Variants in HOMER1 observed in about 807,000 individuals in gnomAD.
The protein encoded by HOMER1 is homer scaffold protein 1, also known as homer protein homolog 1.
Under a neutral mutation model 48.9 loss-of-function variants are expected in HOMER1, and 3 were observed. The ratio of observed to expected loss-of-function variants is 0.06; its 90% CI spans 0.03 to 0.16. The LOEUF (loss-of-function observed/expected upper bound fraction) is 0.16. HOMER1 is among the 10% of genes least tolerant of loss of function. The probability of loss-of-function intolerance (pLI) is 1.00; values close to 1 mark genes in which losing one functional copy is unlikely to be tolerated. For synonymous variants in HOMER1, 134 were observed against 146.4 expected (o/e 0.92, Z 0.61); for missense variants, 247 against 411.4 (o/e 0.60, Z 3.46).
chr5:79,491,110 A>AAAAAT (rs1752263473), intron 1 of HOMER1, among the ~76,000 whole-genome samples: 1 of 103,226 alleles, frequency 9.7e-6, no homozygotes, highest in Non-Finnish European at 1.9e-5. Flanking sequence ...AAAAAAAAAA[A>AAAAAT]GCTTGTCATG....
chr5:79,411,820 A>G lies in HOMER1; in HGVS notation c.528-9765T>C, dbSNP rs1356814913. 2.0e-5 allele frequency among the ~76,000 whole-genome samples: 3 copies of G among 152,296 alleles called. No individual in the cohort carries two copies. In the East Asian group the frequency reaches 5.8e-4, roughly 29 times the overall value. On this transcript the variant is annotated intron_variant, in intron 5 of 8. Transcript: ENST00000334082. ...TATTCCGATACTCTTTCAAAAAACA[A>G]TTTAAAAACAGGGTGCAGCTGGGTG...
intron 5 of HOMER1, among the ~76,000 whole-genome samples, chr5:79,402,851 A>G (rs1021174455): frequency 2.0e-5 from 3 of 152,182 alleles, no homozygotes; most frequent in South Asian, 2.1e-4. Flanking sequence ...GATTTATTTC[A>G]TCTTATTCAG....
At chr5:79,460,038 A>G (rs897956635) in intron 1 of HOMER1, among the ~76,000 whole-genome samples, 16 of 152,134 alleles carry the variant, frequency 1.1e-4, no homozygotes, top group Admixed American at 8.5e-4. Context: ...CTTTTCTTTA[A>G]CAGATAGGTT....
chr5:79,374,851 C>T lies in HOMER1; in HGVS notation c.*1158G>A, dbSNP rs967089007. Reference sequence around the variant, plus strand: ...GAATTTAATTCCTGTTTTGAAATACCTAGTTAACAATTCAGAATATTGCCT... The same window carrying T: ...GAATTTAATTCCTGTTTTGAAATACTTAGTTAACAATTCAGAATATTGCCT... On this transcript the variant is annotated 3_prime_UTR_variant, in exon 9 of 9. Coordinates refer to ENST00000334082, the MANE Select transcript of HOMER1 (RefSeq NM_004272.5). 4 of 151,880 alleles carry T rather than the reference C, an allele frequency of 2.6e-5. No individual in the cohort carries two copies. The highest frequency in any genetic ancestry group is 6.6e-5 in the Admixed American group (1 of 15,242). The allele number at this position is 151,880 out of a possible 1,614,324, so 9.4% of individuals were successfully genotyped here.
At chr5:79,503,938 G>C (rs1436727528) in intron 1 of HOMER1, among the ~76,000 whole-genome samples, 1 of 152,148 alleles carries the variant, frequency 6.6e-6, no homozygotes, top group Non-Finnish European at 1.5e-5. Context: ...GTTCAAACCT[G>C]TGTTGTTCAA....
chr5:79,480,122 A>G (rs1751906300), intron 1 of HOMER1, among the ~76,000 whole-genome samples: 1 of 152,160 alleles, frequency 6.6e-6, no homozygotes, highest in Admixed American at 6.5e-5. Flanking sequence ...TCAGAAGTAA[A>G]AAGAATAAAA....
chr5:79,487,479 A>G (rs1752144133), intron 1 of HOMER1, among the ~76,000 whole-genome samples: 1 of 152,148 alleles, frequency 6.6e-6, no homozygotes, highest in African/African-American at 2.4e-5. Flanking sequence ...GTAAAACCTG[A>G]ATCTCAGCAT....
At chr5:79,398,888 G>A (rs1749464633) in intron 6 of HOMER1, among the ~76,000 whole-genome samples, 2 of 152,080 alleles carry the variant, frequency 1.3e-5, no homozygotes, top group Non-Finnish European at 2.9e-5. Context: ...AAACCACTCG[G>A]ACCTAACCGA....
chr5:79,414,111 A>G (rs1749878371), intron 5 of HOMER1, among the ~76,000 whole-genome samples: 2 of 152,162 alleles, frequency 1.3e-5, no homozygotes, highest in Admixed American at 6.6e-5. Context: ...ATTTTGAGAT[A>G]GGGTCTGGCT....
intron 5 of HOMER1, among the ~76,000 whole-genome samples, chr5:79,434,929 A>G (rs1250143273): frequency 6.6e-6 from 1 of 152,200 alleles, no homozygotes; most frequent in Non-Finnish European, 1.5e-5. Flanking sequence ...AGTTTTTCAA[A>G]AGTCCAAAAG....
chr5:79,439,264 C>G lies in HOMER1; in HGVS notation c.388-115G>C, dbSNP rs146648593. 520 of 874,470 alleles carry G rather than the reference C, an allele frequency of 5.9e-4. 1 individual carries two copies. The African/African-American group carries it at 7.6e-3, about 13-fold the overall frequency. The allele number at this position is 874,470 out of a possible 1,614,324, so 54.2% of individuals were successfully genotyped here. The stretch of plus-strand genomic sequence containing the variant: ...TGCTTACTGATGAACCAAATTTCAA[C>G]TGAAATTTGAGTCAAAGACTTAAAA... On this transcript the variant is annotated intron_variant, in intron 4 of 8. Transcript: ENST00000334082.
intron 1 of HOMER1, among the ~76,000 whole-genome samples, chr5:79,505,184 G>C (rs1580047327): frequency 6.6e-6 from 1 of 152,118 alleles, no homozygotes; most frequent in Admixed American, 6.5e-5. Flanking sequence ...ATCTGAGCCT[G>C]GGACATGGAG....
chr5:79,428,716 A>T (rs544009234), intron 5 of HOMER1, among the ~76,000 whole-genome samples: 1 of 152,316 alleles, frequency 6.6e-6, no homozygotes, highest in Non-Finnish European at 1.5e-5. Flanking sequence ...ATCTGAATAC[A>T]TTTAACAAAA....
intron 8 of HOMER1, 105 bp from the exon 9 acceptor site, chr5:79,376,302 G>T: frequency 1.3e-6 from 1 of 787,918 alleles, no homozygotes; most frequent in Non-Finnish European, 2.0e-6. Context: ...CAGTTTGACT[G>T]TCAGGATGAG....
intron 5 of HOMER1, among the ~76,000 whole-genome samples, chr5:79,429,296 A>C (rs1263587993): frequency 2.0e-5 from 3 of 152,004 alleles, no homozygotes; most frequent in Admixed American, 2.0e-4. Flanking sequence ...AATCGCTTGA[A>C]CCCAGGAGGC....
chr5:79,467,225 T>C (rs1751490972), intron 1 of HOMER1, among the ~76,000 whole-genome samples: 2 of 151,796 alleles, frequency 1.3e-5, no homozygotes, highest in South Asian at 2.1e-4. Context: ...ACCATGTCTC[T>C]ACTAAAAATA....
At chr5:79,477,798 A>G (rs1482173380) in intron 1 of HOMER1, among the ~76,000 whole-genome samples, 1 of 152,204 alleles carries the variant, frequency 6.6e-6, no homozygotes, top group Non-Finnish European at 1.5e-5. Flanking sequence ...AAACAGGTCC[A>G]TGATAAATTC....
At chr5:79,403,809 G>T (rs988394963) in intron 5 of HOMER1, among the ~76,000 whole-genome samples, 1 of 152,122 alleles carries the variant, frequency 6.6e-6, no homozygotes, top group Admixed American at 6.5e-5. Flanking sequence ...TTTTCTATAA[G>T]TCTAAAATTA....
chr5:79,513,081 G>A lies in HOMER1; in HGVS notation c.-307C>T, dbSNP rs1752986160. Reference sequence around the variant, plus strand: ...CTACAAGTAGGGAAATGCAGAATCCGGCTTCACCGAGTCCTATAAAAAATG... The same window carrying A: ...CTACAAGTAGGGAAATGCAGAATCCAGCTTCACCGAGTCCTATAAAAAATG... On this transcript the variant is annotated 5_prime_UTR_variant, in exon 1 of 9. Transcript: ENST00000334082. 4 of 426,990 alleles carry A rather than the reference G, an allele frequency of 9.4e-6. No homozygotes were observed. Among genetic ancestry groups the A allele is most frequent in the South Asian group, 6.7e-5 (2 of 29,882 alleles). 26.5% of individuals were successfully genotyped at this position (426,990 alleles called of 1,614,324 possible). A position where few individuals can be genotyped will look rare whatever the true frequency, so the allele number is the denominator to read the frequency against.
Sources: gnomAD v4.1 joint callset for allele counts (sites outside exome capture counted in the v4.1 genomes callset) on GRCh38, gnomAD v4.1.1 for gene constraint, MANE v1.5 for transcripts, NCBI Gene and HGNC (gene_info 2026-07-23, HGNC 2026-07-21) for gene names.